Variants in NELL2 observed in about 807,000 individuals in gnomAD.
NELL2 encodes the protein protein kinase C-binding protein NELL2.
NELL2 carries 41 observed loss-of-function variants against 109.6 expected under a neutral mutation model. The observed-to-expected ratio is 0.37, with a 90% CI of 0.29 to 0.49. The LOEUF (loss-of-function observed/expected upper bound fraction) is 0.49, where lower values mean the gene tolerates loss of function less well. NELL2 is among the 20% of genes least tolerant of loss of function. The pLI is 0.98. For missense variants in NELL2, 900 were observed against 1,008.3 expected, an observed-to-expected ratio of 0.89 and a Z score of 1.45; for synonymous variants, 355 against 344.7, an observed-to-expected ratio of 1.03 and a Z score of -0.33.
intron 3 of NELL2, among the ~76,000 whole-genome samples, chr12:44,792,620 T>A (rs1468966740): frequency 6.6e-6 from 1 of 152,124 alleles, no homozygotes; most frequent in Non-Finnish European, 1.5e-5. Flanking sequence ...CCACAATATA[T>A]GAAGTGCACC....
At chr12:44,531,530 T>C (rs1204527175) in intron 16 of NELL2, among the ~76,000 whole-genome samples, 3 of 152,082 alleles carry the variant, frequency 2.0e-5, no homozygotes, top group Non-Finnish European at 4.4e-5. Flanking sequence ...GCATTCCCAT[T>C]CCTAGGTGGA....
chr12:44,540,094 T>G (rs12582547), intron 15 of NELL2, among the ~76,000 whole-genome samples: 25,520 of 152,166 alleles, frequency 0.17, 2,509 homozygotes, highest in African/African-American at 0.27. Context: ...TGTGTTAATT[T>G]TACACACTTT....
chr12:44,765,183 C>T (rs1010575161), intron 9 of NELL2, among the ~76,000 whole-genome samples: 4 of 152,174 alleles, frequency 2.6e-5, no homozygotes, highest in African/African-American at 9.7e-5. Flanking sequence ...AGGTCATCTT[C>T]CAATGGTTAA....
At chr12:44,541,507 TA>T (rs1166880587) in intron 15 of NELL2, among the ~76,000 whole-genome samples, 3 of 151,810 alleles carry the variant, frequency 2.0e-5, no homozygotes, top group African/African-American at 7.3e-5. Flanking sequence ...AAGTAAAACA[TA>T]TAGAAAATAG....
At chr12:44,555,073 C>T (rs933336230) in intron 15 of NELL2, among the ~76,000 whole-genome samples, 9 of 152,150 alleles carry the variant, frequency 5.9e-5, no homozygotes, top group Non-Finnish European at 1.2e-4. Context: ...AGTCATTCTT[C>T]GTAGATGATG....
chr12:44,882,817 C>A (rs1038861127), intron 1 of NELL2, among the ~76,000 whole-genome samples: 1 of 149,086 alleles, frequency 6.7e-6, no homozygotes, highest in Non-Finnish European at 1.5e-5. Flanking sequence ...CGTGAGCCAC[C>A]ATGCCTGGCT....
chr12:44,859,407 G>A (rs1001119841), intron 2 of NELL2, among the ~76,000 whole-genome samples: 7 of 152,156 alleles, frequency 4.6e-5, no homozygotes, highest in African/African-American at 1.4e-4. Flanking sequence ...TGGGCATAAC[G>A]GCAGGTGCCT....
At chr12:44,537,214 A>C (rs1045141714) in intron 15 of NELL2, among the ~76,000 whole-genome samples, 2 of 152,248 alleles carry the variant, frequency 1.3e-5, no homozygotes, top group South Asian at 4.1e-4. Context: ...GTCATTTTAG[A>C]AAATGACAAA....
At chr12:44,816,284 C>G (rs948588913) in intron 2 of NELL2, 148 bp from the exon 3 acceptor site, 10 of 609,390 alleles carry the variant, frequency 1.6e-5, no homozygotes, top group Middle Eastern at 4.6e-4. Context: ...AATTATTTTT[C>G]AAAAAGACTT....
chr12:44,637,534 T>A (rs1946687523), intron 13 of NELL2, among the ~76,000 whole-genome samples: 1 of 138,274 alleles, frequency 7.2e-6, no homozygotes, highest in Non-Finnish European at 1.5e-5. Context: ...GAGACCAACA[T>A]TAAATTGGGT....
chr12:44,776,059 T>C lies in NELL2; in HGVS notation c.854A>G (p.Glu285Gly), dbSNP rs1941745775. Residue 285 changes from glutamate to glycine, a missense_variant, in exon 8 of 20, where the codon GAG (glutamate) becomes GGG (glycine). Physicochemically the swap from Glu to Gly is moderately conservative, Grantham distance 98. Transcript: ENST00000429094. ...GTTCTTACAGCCGTCTATCCAGGAC[T>C]CAAATTCTCGGTAGGTGGTTCCCTT... is the stretch of plus-strand genomic sequence containing the variant. ...TMKGTTYREF[E>G]SWIDGCKNCT... 3 of 1,614,034 alleles carry C rather than the reference T, an allele frequency of 1.9e-6. No homozygotes were observed. The highest frequency in any genetic ancestry group is 4.5e-5 in the East Asian group (2 of 44,862).
rs191729733 is a variant in NELL2 at position 44,694,328 on chromosome 12, G to A, written c.1318+9398C>T. On this transcript the variant is annotated intron_variant, in intron 12 of 19. Transcript: ENST00000429094. ...AGAACGTTGGTCTTCTCCTAACCTC[G>A]GACTGGAACTTATATCATTGAGTCT... Among the ~76,000 whole-genome samples the A allele has an allele frequency of 1.6e-4, 25 of 152,016 alleles. No homozygotes were observed. The East Asian group carries it at 4.5e-3, about 27-fold the overall frequency.
chr12:44,775,494 A>C (rs1252948377), intron 8 of NELL2, among the ~76,000 whole-genome samples: 1 of 152,246 alleles, frequency 6.6e-6, no homozygotes, highest in African/African-American at 2.4e-5. Context: ...ATCATAATGC[A>C]ATAAAATATT....
At chr12:44,565,729 T>C (rs552858434) in intron 15 of NELL2, among the ~76,000 whole-genome samples, 10 of 152,310 alleles carry the variant, frequency 6.6e-5, no homozygotes, top group African/African-American at 2.4e-4. Context: ...GTTGTAAGAC[T>C]TAAATATCAT....
intron 15 of NELL2, among the ~76,000 whole-genome samples, chr12:44,545,167 T>G (rs1942741983): frequency 6.6e-6 from 1 of 152,064 alleles, no homozygotes; most frequent in South Asian, 2.1e-4. Context: ...CATGAATGAG[T>G]TGAACAAAGC....
chr12:44,863,853 ATAAT>A (rs1322354612), intron 2 of NELL2, among the ~76,000 whole-genome samples: 4 of 152,168 alleles, frequency 2.6e-5, no homozygotes, highest in African/African-American at 9.7e-5. Flanking sequence ...AAAAGCTATA[ATAAT>A]TTATGAAGGA....
chr12:44,649,824 G>C (rs1947239648), intron 13 of NELL2, among the ~76,000 whole-genome samples: 1 of 152,172 alleles, frequency 6.6e-6, no homozygotes, highest in Non-Finnish European at 1.5e-5. Context: ...ACTGAGAGTT[G>C]CCTGTGATCA....
chr12:44,865,390 A>G (rs1188591253), intron 2 of NELL2, among the ~76,000 whole-genome samples: 1 of 133,064 alleles, frequency 7.5e-6, no homozygotes, highest in East Asian at 2.2e-4. Flanking sequence ...ATTATTCACA[A>G]TAGCAAAGAC....
At chr12:44,913,305 T>A (rs1281914766) in intron 1 of NELL2, among the ~76,000 whole-genome samples, 4 of 152,140 alleles carry the variant, frequency 2.6e-5, no homozygotes, top group Non-Finnish European at 5.9e-5. Flanking sequence ...CTCATTATTT[T>A]CTCCATACAG....
Sources: gnomAD v4.1 joint callset for allele counts (sites outside exome capture counted in the v4.1 genomes callset) on GRCh38, gnomAD v4.1.1 for gene constraint, MANE v1.5 for transcripts, NCBI Gene and HGNC (gene_info 2026-07-23, HGNC 2026-07-21) for gene names.